Variants in CUX1 observed in about 807,000 individuals in gnomAD.
The protein encoded by CUX1 is protein CASP.
Under a neutral mutation model 158.8 loss-of-function variants are expected in CUX1, and 31 were observed. The observed-to-expected ratio is 0.20, with a 90% CI of 0.15 to 0.26. The LOEUF (loss-of-function observed/expected upper bound fraction) is 0.26. Ranked by LOEUF, CUX1 falls within the 10% of genes least tolerant of loss-of-function variation. The pLI is 1.00. For synonymous variants in CUX1, 879 were observed against 862.1 expected (o/e 1.02, Z -0.34); for missense variants, 1,589 against 2,014.6 (o/e 0.79, Z 4.04).
chr7:102,017,291 A>AAG (rs1818730711), intron 2 of CUX1, among the ~76,000 whole-genome samples: 1 of 17,144 alleles, frequency 5.8e-5, no homozygotes, highest in Non-Finnish European at 1.5e-4. Context: ...ACTCCATCTC[A>AAG]AAAAAAAAAA....
At chr7:102,037,149 C>T (rs1023448399) in intron 3 of CUX1, among the ~76,000 whole-genome samples, 6 of 151,946 alleles carry the variant, frequency 3.9e-5, no homozygotes, top group South Asian at 2.1e-4. Context: ...CTGTTGATCG[C>T]GTGCCACTGC....
At chr7:102,016,228 A>G (rs1418479406) in intron 2 of CUX1, among the ~76,000 whole-genome samples, 4 of 152,346 alleles carry the variant, frequency 2.6e-5, no homozygotes, top group South Asian at 4.1e-4. Context: ...GATTACAGGC[A>G]CATGCCCCTG....
chr7:102,069,140 G>A lies in CUX1; in HGVS notation c.190-1199G>A, dbSNP rs193114716. Among the ~76,000 whole-genome samples, 426 of 152,204 alleles carry A rather than the reference G, an allele frequency of 2.8e-3. 7 individuals are homozygous for A. The highest frequency in any genetic ancestry group is 0.027 in the Admixed American group (411 of 15,280). ...TCGACACCCACAACCACTGCCCAGC[G>A]CATCTCACTCGGATGAAAGCAGTGA... On this transcript the variant is annotated intron_variant, in intron 3 of 23. Transcript: ENST00000292535.
chr7:102,067,775 C>T (rs1647631933), intron 3 of CUX1, among the ~76,000 whole-genome samples: 1 of 151,672 alleles, frequency 6.6e-6, no homozygotes, highest in Non-Finnish European at 1.5e-5. Context: ...CATGGTGGCT[C>T]ATGCCTGTAA....
At chr7:102,028,190 C>T (rs1356316524) in intron 3 of CUX1, 45 bp downstream of exon 3, 5 of 1,594,536 alleles carry the variant, frequency 3.1e-6, no homozygotes, top group African/African-American at 1.3e-5. Context: ...CCCTTCGTGG[C>T]TAATTGGTCT....
At chr7:102,158,500 A>T (rs1554505974) in intron 8 of CUX1, 60 bp from the exon 9 acceptor site, 9 of 1,562,830 alleles carry the variant, frequency 5.8e-6, no homozygotes, top group Non-Finnish European at 2.6e-6. Flanking sequence ...CTGTCCCATC[A>T]GTCACCCCCT....
chr7:102,143,564 C>T (rs1000842702), intron 8 of CUX1, among the ~76,000 whole-genome samples: 25 of 152,110 alleles, frequency 1.6e-4, no homozygotes, highest in African/African-American at 6.0e-4. Flanking sequence ...TGAGTCACTG[C>T]GCCTGGCCCA....
At chr7:101,858,293 G>C (rs1797097004) in intron 1 of CUX1, among the ~76,000 whole-genome samples, 1 of 152,194 alleles carries the variant, frequency 6.6e-6, no homozygotes, top group Non-Finnish European at 1.5e-5. Context: ...GTAGTATCTG[G>C]TTTTGGGGTT....
chr7:101,913,228 C>A, intron 1 of CUX1: 2 of 424,816 alleles, frequency 4.7e-6, no homozygotes, highest in Non-Finnish European at 8.0e-6. Context: ...GGGGCGGCGG[C>A]AGCTCAGTCT....
rs2131120882 is a variant in CUX1 at position 102,115,220 on chromosome 7, T to G, written c.621T>G (p.Thr207=). Residue 207 remains threonine (T), a synonymous_variant, in exon 8 of 24, where the codon ACT becomes ACG. Coordinates refer to ENST00000292535, the MANE Select transcript of CUX1 (RefSeq NM_181552.4). ...VQSLQTALEK[T]RTELFDLKTK... ...TTTGCCTTTCAGCCCTGGAAAAAAC[T>G]CGAACAGAATTATTTGACCTGAAAA... 1 of 1,608,446 alleles carries G rather than the reference T, an allele frequency of 6.2e-7. No homozygotes were observed.
intron 7 of CUX1, among the ~76,000 whole-genome samples, chr7:102,114,960 A>G (rs1831292586): frequency 6.6e-6 from 1 of 152,068 alleles, no homozygotes; most frequent in Non-Finnish European, 1.5e-5. Context: ...GGAGGGAGGA[A>G]ACTATTAACA....
chr7:102,227,496 G>C lies in CUX1; in HGVS notation c.3260G>C (p.Ser1087Thr). ...PCPPIEASKD[S>T]KPPEPSDPPA... ...CCCCCCATCGAGGCGAGCAAGGACA[G>C]CAAGCCACCAGAGCCCAGTGACCCG... Residue 1087 changes from serine (S) to threonine (T), a missense_variant, in exon 21 of 24, where the codon AGC becomes ACC. Physicochemically the swap from Ser to Thr is moderately conservative, Grantham distance 58. This residue lies in a region of CUX1 where 259 missense variants were observed against 373.8 expected (regional missense o/e 0.69). Coordinates refer to ENST00000292535, the MANE Select transcript of CUX1 (RefSeq NM_181552.4). 8 of 1,614,080 alleles carry C rather than the reference G, an allele frequency of 5.0e-6. No individual in the cohort carries two copies. The highest frequency in any genetic ancestry group is 6.8e-6 in the Non-Finnish European group (8 of 1,180,024).
chr7:101,984,091 T>A (rs797007743), intron 2 of CUX1, among the ~76,000 whole-genome samples: 22,139 of 43,524 alleles, frequency 0.51, 6,279 homozygotes, highest in Middle Eastern at 0.67. Flanking sequence ...AAAAAAAAAA[T>A]ATATATATAT....
At chr7:102,046,274 C>G (rs192489460) in intron 3 of CUX1, among the ~76,000 whole-genome samples, 2 of 152,300 alleles carry the variant, frequency 1.3e-5, no homozygotes, top group East Asian at 3.9e-4. Context: ...GCTTTGTCAC[C>G]CAGGCTGGAG....
At chr7:101,832,482 G>A (rs894246069) in intron 1 of CUX1, among the ~76,000 whole-genome samples, 3 of 152,138 alleles carry the variant, frequency 2.0e-5, no homozygotes, top group Non-Finnish European at 4.4e-5. Flanking sequence ...TCGTGCAGAC[G>A]TCCACCCAGT....
intron 9 of CUX1, among the ~76,000 whole-genome samples, chr7:102,169,900 G>C (rs1791523215): frequency 6.6e-6 from 1 of 152,244 alleles, no homozygotes; most frequent in Non-Finnish European, 1.5e-5. Flanking sequence ...ACTTTGTCCA[G>C]TGAAGGGTTA....
In CUX1 at chr7:102,252,331, G is replaced by A; in HGVS notation, c.*3289G>A. On this transcript the variant is annotated 3_prime_UTR_variant, in exon 24 of 24. Transcript: ENST00000292535. ...AAGTGCCTTGAACAGTGTCCCCTCG[G>A]CATGGCTCCCCTTCAGCAGGCTGGC... The A allele has an allele frequency of 2.0e-6, 2 of 985,420 alleles. No homozygotes were observed. Among genetic ancestry groups the A allele is most frequent in the Non-Finnish European group, 2.4e-6 (2 of 829,970 alleles). The allele number at this position is 985,420 out of a possible 1,614,324, so 61.0% of individuals were successfully genotyped here.
At chr7:102,121,404 G>A (rs1176094514) in intron 8 of CUX1, among the ~76,000 whole-genome samples, 1 of 150,506 alleles carries the variant, frequency 6.6e-6, no homozygotes, top group Non-Finnish European at 1.5e-5. Context: ...GGAGTGCAGT[G>A]GCACGATCTT....
chr7:101,904,706 T>C (rs560348443), intron 1 of CUX1, among the ~76,000 whole-genome samples: 2 of 151,916 alleles, frequency 1.3e-5, no homozygotes, highest in Admixed American at 1.3e-4. Flanking sequence ...GTAGCTGAGA[T>C]TGCAGGCGCC....
Sources: allele counts gnomAD v4.1 joint callset (sites outside exome capture counted in the v4.1 genomes callset), GRCh38; gene constraint gnomAD v4.1.1; regional missense constraint gnomAD v4.1.1; transcripts MANE v1.5; gene names NCBI Gene and HGNC (gene_info 2026-07-23, HGNC 2026-07-21).